The following ATP6V1H variants were observed in gnomAD, a reference collection of about 807,000 sequenced individuals.
ATP6V1H encodes the protein ATPase H+ transporting V1 subunit H.
A neutral mutation model predicts 71.7 loss-of-function variants in ATP6V1H; 39 were observed. The observed-to-expected ratio is 0.54, with a 90% confidence interval of 0.42 to 0.71. The LOEUF is 0.71. ATP6V1H is among the 30% of genes least tolerant of loss of function. ATP6V1H has a pLI of 0.00. For missense variants in ATP6V1H, 509 were observed against 594.9 expected (o/e 0.86, Z 1.50); for synonymous variants, 192 against 199.3 (o/e 0.96, Z 0.31).
At chr8:53,793,937 T>G (rs1809647175) in intron 9 of ATP6V1H, among the ~76,000 whole-genome samples, 1 of 151,700 alleles carries the variant, frequency 6.6e-6, no homozygotes, top group Non-Finnish European at 1.5e-5. Flanking sequence ...AGACTGTCTT[T>G]AAAAAAACAA....
Position 53,783,689 on chromosome 8 carries a change from A to G in ATP6V1H, c.871-11522T>C, listed in dbSNP as rs577412731. ...CTCTTGTGGGCATTTAGTGCTATAA[A>G]TTTCCCTCTACACACTGCTTTGAAT... On this transcript the variant is annotated intron_variant, in intron 9 of 13. Transcript: ENST00000359530. Among the ~76,000 whole-genome samples the G allele has an allele frequency of 2.2e-3, 330 of 152,182 alleles. 1 individual carries two copies. Among genetic ancestry groups the G allele is most frequent in the African/African-American group, 6.3e-3 (263 of 41,512 alleles).
In ATP6V1H at chr8:53,781,850, T is replaced by C. The variant is rs564990719; in HGVS notation, c.871-9683A>G. 1.8e-3 allele frequency among the ~76,000 whole-genome samples: 268 copies of C among 152,312 alleles called. 1 individual carries two copies. The highest frequency in any genetic ancestry group is 6.1e-3 in the African/African-American group (252 of 41,558). ...AGGTTTGTCAAAGATCAGATAGTTGTAGATGTGTGGCATTATTTCTGAGGG... is the reference window on the plus strand; with the variant it reads ...AGGTTTGTCAAAGATCAGATAGTTGCAGATGTGTGGCATTATTTCTGAGGG... On this transcript the variant is annotated intron_variant, in intron 9 of 13. Coordinates refer to ENST00000359530, the MANE Select transcript of ATP6V1H (RefSeq NM_015941.4).
At chr8:53,741,074 GA>G (rs1198268335) in intron 13 of ATP6V1H, among the ~76,000 whole-genome samples, 1 of 151,848 alleles carries the variant, frequency 6.6e-6, no homozygotes, top group Non-Finnish European at 1.5e-5. Flanking sequence ...AAAGAGAGAG[GA>G]AAAAAGAATA....
At chr8:53,768,585 C>T (rs1447091334) in intron 11 of ATP6V1H, among the ~76,000 whole-genome samples, 2 of 152,026 alleles carry the variant, frequency 1.3e-5, no homozygotes, top group Non-Finnish European at 2.9e-5. Context: ...TTATCCACAA[C>T]GGAAAATCAT....
chr8:53,770,774 A>C (rs530533146), intron 10 of ATP6V1H, among the ~76,000 whole-genome samples: 2 of 152,280 alleles, frequency 1.3e-5, no homozygotes, highest in Admixed American at 1.3e-4. Context: ...AGCTATCACT[A>C]ATCTTATTTT....
chr8:53,814,749 G>A lies in ATP6V1H; in HGVS notation c.438C>T (p.Ala146=). The A allele has an allele frequency of 6.2e-7, 1 of 1,610,924 alleles. No homozygotes were observed. Residue 146 remains alanine (A), a synonymous_variant, in exon 6 of 14, where the codon GCC becomes GCT. Transcript: ENST00000359530. ...FTVHMAARII[A]KLAAWGKELM... ...GTTCTTTTCCCCAAGCTGCTAACTT[G>A]GCAATAATTCTTGCTGCCTGAAAAC...
chr8:53,767,436 T>C (rs1473048313), intron 11 of ATP6V1H, among the ~76,000 whole-genome samples: 2 of 152,228 alleles, frequency 1.3e-5, no homozygotes, highest in Non-Finnish European at 2.9e-5. Context: ...TATATATTAG[T>C]AATTCTCACA....
chr8:53,817,860 T>C (rs1585821483), intron 4 of ATP6V1H, among the ~76,000 whole-genome samples: 1 of 152,016 alleles, frequency 6.6e-6, no homozygotes, highest in African/African-American at 2.4e-5. Flanking sequence ...TGTGAACACC[T>C]GGCTGCCATA....
intron 9 of ATP6V1H, among the ~76,000 whole-genome samples, chr8:53,792,383 G>T (rs1230945730): frequency 2.0e-5 from 3 of 152,106 alleles, no homozygotes; most frequent in African/African-American, 7.2e-5. Flanking sequence ...GCCACACCTG[G>T]ATCTCACTGT....
At chr8:53,829,964 A>G (rs533876304) in intron 3 of ATP6V1H, among the ~76,000 whole-genome samples, 8 of 152,220 alleles carry the variant, frequency 5.3e-5, no homozygotes, top group Non-Finnish European at 1.2e-4. Context: ...CAGTGTATCA[A>G]CTACATGACA....
rs1286824275 is a variant in ATP6V1H, at chr8:53,819,531, CAA to C, written c.307-2003_307-2002del. Reference sequence around the variant, plus strand: ...TCAGTGAGAGAGCAAGAATCTATCTCAAAAAAAAAAAAAAGCATATATATATA... The same window carrying C: ...TCAGTGAGAGAGCAAGAATCTATCTCAAAAAAAAAAAAGCATATATATATA... On this transcript the variant is annotated intron_variant, in intron 4 of 13. Transcript: ENST00000359530. 5.4e-3 allele frequency among the ~76,000 whole-genome samples: 112 copies of C among 20,828 alleles called. 2 individuals carry two copies. The highest frequency in any genetic ancestry group is 0.018 in the African/African-American group (106 of 5,948). 13.7% of individuals were successfully genotyped at this position (20,828 alleles called of 152,430 possible).
intron 2 of ATP6V1H, among the ~76,000 whole-genome samples, chr8:53,836,528 C>A (rs1811164504): frequency 6.6e-6 from 1 of 152,174 alleles, no homozygotes; most frequent in Non-Finnish European, 1.5e-5. Context: ...AGGCCCCAGA[C>A]CTAACAATCT....
chr8:53,787,231 T>C (rs1455879699), intron 9 of ATP6V1H, among the ~76,000 whole-genome samples: 1 of 152,176 alleles, frequency 6.6e-6, no homozygotes, highest in Non-Finnish European at 1.5e-5. Context: ...CATCCAAACC[T>C]AGTATCTACT....
At chr8:53,824,773 C>T (rs1406957480) in intron 4 of ATP6V1H, among the ~76,000 whole-genome samples, 1 of 150,846 alleles carries the variant, frequency 6.6e-6, no homozygotes, top group East Asian at 1.9e-4. Context: ...GTTTTATAAC[C>T]CATAAGAATT....
chr8:53,817,555 A>G, intron 4 of ATP6V1H, 25 bp from the exon 5 acceptor site: 2 of 1,425,254 alleles, frequency 1.4e-6, no homozygotes, highest in Non-Finnish European at 2.0e-6. Context: ...AAATGATATC[A>G]CCAGTCAGAA....
intron 13 of ATP6V1H, among the ~76,000 whole-genome samples, chr8:53,718,176 C>A (rs1004750815): frequency 2.0e-5 from 3 of 152,162 alleles, no homozygotes; most frequent in Non-Finnish European, 2.9e-5. Flanking sequence ...ACTTAGCAGA[C>A]AACAAGTGGT....
chr8:53,814,535 T>C (rs1810385972), intron 6 of ATP6V1H, 127 bp downstream of exon 6: 4 of 579,040 alleles, frequency 6.9e-6, no homozygotes, highest in East Asian at 6.1e-5. Context: ...TTTGGTTTAC[T>C]TGACAAGTTC....
At chr8:53,718,757 C>A (rs191556591) in intron 13 of ATP6V1H, among the ~76,000 whole-genome samples, 3 of 152,166 alleles carry the variant, frequency 2.0e-5, no homozygotes, top group African/African-American at 7.2e-5. Context: ...GACCTAAGTA[C>A]GTGACACATA....
intron 11 of ATP6V1H, among the ~76,000 whole-genome samples, chr8:53,765,399 CAAA>C (rs36191418): frequency 2.5e-5 from 1 of 39,734 alleles, no homozygotes; most frequent in Non-Finnish European, 4.7e-5. Flanking sequence ...GACTCTGTCT[CAAA>C]AAAAAAAAAA....
Sources: allele counts gnomAD v4.1 joint callset (sites outside exome capture counted in the v4.1 genomes callset), GRCh38; gene constraint gnomAD v4.1.1; transcripts MANE v1.5; gene names NCBI Gene and HGNC (gene_info 2026-07-23, HGNC 2026-07-21).